Variants in EEPD1 observed in about 807,000 individuals in gnomAD.
EEPD1 encodes endonuclease/exonuclease/phosphatase family domain-containing protein 1.
In EEPD1, 17 loss-of-function variants were observed where a neutral mutation model predicts 46.3. The ratio of observed to expected loss-of-function variants is 0.37; its 90% CI spans 0.25 to 0.55. EEPD1 has a LOEUF of 0.55. Among genes scored for constraint, EEPD1 ranks in the 20% least tolerant of loss-of-function variants. The pLI is 0.83. For synonymous variants in EEPD1, 313 were observed against 315.6 expected, an observed-to-expected ratio of 0.99 and a Z score of 0.09; for missense variants, 673 against 745.6, an observed-to-expected ratio of 0.90 and a Z score of 1.13.
intron 2 of EEPD1, among the ~76,000 whole-genome samples, chr7:36,159,632 C>A (rs1784872682): frequency 6.6e-6 from 1 of 152,208 alleles, no homozygotes; most frequent in Admixed American, 6.5e-5. Context: ...GACTCCCAGC[C>A]CACCCACATT....
chr7:36,204,376 G>A (rs915170466), intron 2 of EEPD1, among the ~76,000 whole-genome samples: 2 of 152,126 alleles, frequency 1.3e-5, no homozygotes, highest in Non-Finnish European at 2.9e-5. Context: ...GGCTGCATTG[G>A]ATGAAGGCAT....
chr7:36,248,994 A>AC (rs1786687369), intron 3 of EEPD1, among the ~76,000 whole-genome samples: 1 of 135,350 alleles, frequency 7.4e-6, no homozygotes, highest in Non-Finnish European at 1.6e-5. Flanking sequence ...TGGTTCATTA[A>AC]ACACACACAC....
chr7:36,234,599 G>A (rs1311117868), intron 2 of EEPD1, among the ~76,000 whole-genome samples: 1 of 151,740 alleles, frequency 6.6e-6, no homozygotes, highest in East Asian at 1.9e-4. Flanking sequence ...TTGAACCCTG[G>A]AGGTCAAAGC....
intron 6 of EEPD1, among the ~76,000 whole-genome samples, chr7:36,292,096 C>G (rs1787451409): frequency 6.6e-6 from 1 of 152,210 alleles, no homozygotes; most frequent in Non-Finnish European, 1.5e-5. Flanking sequence ...CCTGACAAAC[C>G]TGTGAAGCTG....
rs1278765461 is a variant in EEPD1 at position 36,225,839 on chromosome 7, G to T, written c.879-13146G>T. ...CCCAAACAATTTTATGCTCAGCTGA[G>T]TTGCCTTTTGTCTGTGAAGCCAATC... On this transcript the variant is annotated intron_variant, in intron 2 of 7. Transcript: ENST00000242108. This position sits in a 1 kb window ranked among gnomAD's most constrained non-coding sequence, Gnocchi z 4.2. Among the ~76,000 whole-genome samples the T allele has an allele frequency of 6.6e-6, 1 of 152,204 alleles. No individual in the cohort carries two copies. The highest frequency in any genetic ancestry group is 1.5e-5 in the Non-Finnish European group (1 of 68,050).
At chr7:36,276,947 C>G (rs1243278991) in intron 3 of EEPD1, among the ~76,000 whole-genome samples, 6 of 152,262 alleles carry the variant, frequency 3.9e-5, no homozygotes, top group African/African-American at 9.6e-5. Flanking sequence ...CAAACCTTCC[C>G]TCTTCCATTT....
chr7:36,248,994 A>AACAGACACACAC (rs1554318800), intron 3 of EEPD1, among the ~76,000 whole-genome samples: 1 of 135,350 alleles, frequency 7.4e-6, no homozygotes, highest in Non-Finnish European at 1.6e-5. Flanking sequence ...TGGTTCATTA[A>AACAGACACACAC]ACACACACAC....
intron 2 of EEPD1, among the ~76,000 whole-genome samples, chr7:36,170,104 G>A (rs540927811): frequency 2.5e-4 from 38 of 152,258 alleles, no homozygotes; most frequent in African/African-American, 7.5e-4. Flanking sequence ...TTCTATGTAC[G>A]TTCAAAATTA....
At chr7:36,166,151 G>T (rs377169720) in intron 2 of EEPD1, among the ~76,000 whole-genome samples, 1 of 152,326 alleles carries the variant, frequency 6.6e-6, no homozygotes, top group Admixed American at 6.5e-5. Flanking sequence ...AAGTGAAACT[G>T]CACAAGAAAC....
chr7:36,287,440 A>C, intron 5 of EEPD1, 199 bp from the exon 6 acceptor site: 1 of 715,938 alleles, frequency 1.4e-6, no homozygotes, highest in Non-Finnish European at 2.2e-6. Context: ...GGTAGAACAA[A>C]ATAGGCCTTG....
chr7:36,225,345 T>C lies in EEPD1; in HGVS notation c.879-13640T>C, dbSNP rs1786215721. 6.6e-6 allele frequency among the ~76,000 whole-genome samples: 1 copy of C among 152,210 alleles called. No homozygotes were observed. The highest frequency in any genetic ancestry group is 2.4e-5 in the African/African-American group (1 of 41,458). ...GGGTTATACATGTGGAAGATGGAAC[T>C]GACCACCCACATTCAGATTTTTGGC... On this transcript the variant is annotated intron_variant, in intron 2 of 7. Coordinates refer to ENST00000242108, the MANE Select transcript of EEPD1 (RefSeq NM_030636.3). The surrounding 1 kb of genome is among the most constrained non-coding windows in gnomAD (Gnocchi z 4.2).
intron 2 of EEPD1, among the ~76,000 whole-genome samples, chr7:36,230,580 C>A (rs1786306083): frequency 6.6e-6 from 1 of 152,290 alleles, no homozygotes; most frequent in South Asian, 2.1e-4. Context: ...CTGGAATGCT[C>A]CTGTCCTCCC....
Position 36,297,061 on chromosome 7 carries a change from AG to A in EEPD1, c.1386del (p.Glu464LysfsTer6). 6.2e-7 allele frequency: 1 copy of A among 1,614,254 alleles called. No individual in the cohort carries two copies. The highest frequency in any genetic ancestry group is 8.5e-7 in the Non-Finnish European group (1 of 1,180,042). On this transcript the variant is annotated frameshift_variant, in exon 7 of 8. Transcript: ENST00000242108. LOFTEE classifies it high-confidence loss of function. ...GPDSNDYDIL[R>X]KEKFHHLIPA... ...AGACAGCAATGACTATGATATCCTG[AG>A]GAAAGAAAAGTTCCACCACCTGATC...
intron 2 of EEPD1, among the ~76,000 whole-genome samples, chr7:36,207,072 CA>C (rs1029383973): frequency 6.6e-6 from 1 of 151,582 alleles, no homozygotes; most frequent in Non-Finnish European, 1.5e-5. Context: ...AAAACAACAA[CA>C]AAAAAAACTC....
rs147095977 is a variant in EEPD1 at position 36,171,277 on chromosome 7, G to C, written c.878+16075G>C. Among the ~76,000 whole-genome samples, 455 of 149,428 alleles carry C rather than the reference G, an allele frequency of 3.0e-3. 4 individuals are homozygous for C. The highest frequency in any genetic ancestry group is 0.011 in the African/African-American group (432 of 40,704). ...AATTTTGGCTGTACGCTAAACCTCA[G>C]ATTTTCAAGGTATACTCTGTGTGAA... On this transcript the variant is annotated intron_variant, in intron 2 of 7. Transcript: ENST00000242108.
rs181678777 is a variant in EEPD1, at chr7:36,200,153, C to T, written c.879-38832C>T. Among the ~76,000 whole-genome samples, 42 of 152,004 alleles carry T rather than the reference C, an allele frequency of 2.8e-4. 1 individual carries two copies. The East Asian group carries it at 4.6e-3, about 17-fold the overall frequency. ...CTCCCACTCTCCATCCTCAAGTAAA[C>T]CCCTAGTGTGTGTTGTTCCCCTCTT... is the stretch of plus-strand genomic sequence containing the variant. On this transcript the variant is annotated intron_variant, in intron 2 of 7. Coordinates refer to ENST00000242108, the MANE Select transcript of EEPD1 (RefSeq NM_030636.3).
chr7:36,196,709 C>A (rs1785598053), intron 2 of EEPD1, among the ~76,000 whole-genome samples: 1 of 152,240 alleles, frequency 6.6e-6, no homozygotes, highest in Non-Finnish European at 1.5e-5. Flanking sequence ...CTCGTTAACT[C>A]AGTGCTCAAT....
intron 2 of EEPD1, among the ~76,000 whole-genome samples, chr7:36,159,211 C>A (rs2726053): frequency 6.6e-4 from 101 of 152,256 alleles, no homozygotes; most frequent in African/African-American, 2.3e-3. Context: ...GGATCAGCTT[C>A]GCCCTGTTAC....
intron 2 of EEPD1, among the ~76,000 whole-genome samples, chr7:36,222,228 T>C (rs896671149): frequency 6.6e-6 from 1 of 152,230 alleles, no homozygotes; most frequent in African/African-American, 2.4e-5. Context: ...TCATATGTAC[T>C]GTATGTTGTA....
Sources: allele counts gnomAD v4.1 joint callset (sites outside exome capture counted in the v4.1 genomes callset), GRCh38; gene constraint gnomAD v4.1.1; non-coding constraint Gnocchi (gnomAD v3.1); transcripts MANE v1.5; gene names NCBI Gene and HGNC (gene_info 2026-07-23, HGNC 2026-07-21).